NBAS: variants seen among roughly 807,000 people sequenced by gnomAD.
NBAS encodes NAG/BC035112 fusion.
NBAS carries 219 observed loss-of-function variants against 302.5 expected under a neutral mutation model. The observed-to-expected ratio is 0.72, with a 90% CI of 0.65 to 0.81. The LOEUF is 0.81. Among genes scored for constraint, NBAS ranks in the 30% least tolerant of loss-of-function variants. NBAS has a pLI of 0.00. For synonymous variants in NBAS, 1,118 were observed against 1,021.6 expected (o/e 1.09, Z -1.80); for missense variants, 2,932 against 2,841.6 (o/e 1.03, Z -0.72).
At chr2:15,058,494 G>A in the NBAS span, among the ~76,000 whole-genome samples, 1 of 152,214 alleles carries the variant, frequency 6.6e-6, no homozygotes, top group Non-Finnish European at 1.5e-5. Context: ...CCACATGATT[G>A]AGCAGGCAGC....
chr2:15,464,340 T>A (rs1287066406), intron 19 of NBAS, among the ~76,000 whole-genome samples: 2 of 152,128 alleles, frequency 1.3e-5, no homozygotes, highest in Non-Finnish European at 2.9e-5. Context: ...CACTATTAGA[T>A]GAGAAATCCC....
chr2:14,843,245 T>C, the NBAS span, among the ~76,000 whole-genome samples: 1 of 152,232 alleles, frequency 6.6e-6, no homozygotes, highest in Non-Finnish European at 1.5e-5. Context: ...GCCTTTTCTC[T>C]AAGATCCGGA....
chr2:14,827,037 A>T, the NBAS span, among the ~76,000 whole-genome samples: 1 of 152,232 alleles, frequency 6.6e-6, no homozygotes, highest in Non-Finnish European at 1.5e-5. Context: ...CTTAATTAAG[A>T]AAGGTTAATG....
the NBAS span, among the ~76,000 whole-genome samples, chr2:14,821,220 C>T: frequency 6.6e-6 from 1 of 152,080 alleles, no homozygotes; most frequent in Admixed American, 6.5e-5. Flanking sequence ...CCACCGCGCC[C>T]GGCCAACAGA....
At chr2:15,427,352 T>C (rs975038478) in intron 22 of NBAS, among the ~76,000 whole-genome samples, 1 of 151,860 alleles carries the variant, frequency 6.6e-6, no homozygotes, top group African/African-American at 2.4e-5. Flanking sequence ...CTTCCCAAAG[T>C]TAAATCTGAC....
chr2:15,414,870 G>A (rs780891290), intron 25 of NBAS, among the ~76,000 whole-genome samples: 4 of 152,214 alleles, frequency 2.6e-5, no homozygotes, highest in Admixed American at 1.3e-4. Context: ...GCTTGAGCCC[G>A]GAAGACGGAG....
At chr2:15,116,379 C>T in the NBAS span, among the ~76,000 whole-genome samples, 8 of 151,828 alleles carry the variant, frequency 5.3e-5, no homozygotes, top group Non-Finnish European at 1.0e-4. Flanking sequence ...GGCCTGCAGA[C>T]AGCCACCTTC....
chr2:15,211,461 A>T (rs929093558), intron 48 of NBAS, among the ~76,000 whole-genome samples: 2 of 152,244 alleles, frequency 1.3e-5, no homozygotes, highest in African/African-American at 4.8e-5. Flanking sequence ...AATACTTTGC[A>T]TAATTTATGC....
intron 16 of NBAS, 140 bp downstream of exon 16, chr2:15,473,082 T>C: frequency 2.1e-6 from 2 of 970,504 alleles, no homozygotes; most frequent in Non-Finnish European, 3.1e-6. Flanking sequence ...AAAGACCATT[T>C]TTCCAGCTGA....
chr2:15,392,075 G>A (rs1200498248), intron 28 of NBAS, among the ~76,000 whole-genome samples: 1 of 151,556 alleles, frequency 6.6e-6, no homozygotes, highest in African/African-American at 2.4e-5. Flanking sequence ...CAACCAGATG[G>A]AAACATAAGT....
At chr2:15,221,528 A>C (rs1321420505) in intron 47 of NBAS, among the ~76,000 whole-genome samples, 1 of 152,228 alleles carries the variant, frequency 6.6e-6, no homozygotes, top group Non-Finnish European at 1.5e-5. Flanking sequence ...AGAACTAATA[A>C]TACCATGGAA....
chr2:15,486,310 T>A (rs377462414), intron 12 of NBAS, among the ~76,000 whole-genome samples: 3 of 152,162 alleles, frequency 2.0e-5, no homozygotes, highest in African/African-American at 7.2e-5. Context: ...ACCACCCACA[T>A]CAGAAGAAAA....
chr2:15,035,960 A>G, the NBAS span, among the ~76,000 whole-genome samples: 1 of 152,008 alleles, frequency 6.6e-6, no homozygotes, highest in Non-Finnish European at 1.5e-5. Flanking sequence ...GCACACATTT[A>G]CCTATGTAAC....
At chr2:14,983,986 A>AG in the NBAS span, among the ~76,000 whole-genome samples, 3 of 152,146 alleles carry the variant, frequency 2.0e-5, no homozygotes, top group African/African-American at 4.8e-5. Context: ...GGGGCTTCCG[A>AG]GGGGGCGTGC....
chr2:15,054,581 G>A, the NBAS span, among the ~76,000 whole-genome samples: 1 of 152,178 alleles, frequency 6.6e-6, no homozygotes, highest in Admixed American at 6.5e-5. Context: ...ATAACGTTAT[G>A]GTTTATGTGC....
chr2:15,417,596 A>G lies in NBAS; in HGVS notation c.2694T>C (p.Asp898=), dbSNP rs1334265048. 1 of 1,613,888 alleles carries G rather than the reference A, an allele frequency of 6.2e-7. No homozygotes were observed. Among genetic ancestry groups the G allele is most frequent in the Non-Finnish European group, 8.5e-7 (1 of 1,179,952 alleles). The part of the protein sequence containing the change: ...LETLVYEARC[D]VTLTLKELQQ... ...GGAGTTCTTTCAGGGTTAGAGTTAC[A>G]TCACACCTGGCTTCATAAACCAATG... The change falls in exon 24 of 52, where the codon GAT becomes GAC. Residue 898 remains aspartate, a synonymous_variant. Transcript: ENST00000281513.
intron 9 of NBAS, among the ~76,000 whole-genome samples, chr2:15,530,929 A>G (rs1250471493): frequency 6.6e-6 from 1 of 152,164 alleles, no homozygotes; most frequent in African/African-American, 2.4e-5. Context: ...GAAGACGACA[A>G]AAAGCAGAGA....
intron 37 of NBAS, 99 bp downstream of exon 37, chr2:15,328,100 A>C (rs913977278): frequency 7.8e-7 from 1 of 1,287,684 alleles, no homozygotes. Flanking sequence ...GTAAGAACCA[A>C]GACAAATAAG....
intron 50 of NBAS, among the ~76,000 whole-genome samples, chr2:15,184,648 C>A (rs1195741713): frequency 6.6e-6 from 1 of 152,184 alleles, no homozygotes; most frequent in African/African-American, 2.4e-5. Context: ...GATGAAGCTT[C>A]ACTCATCGCC....
Sources: allele counts gnomAD v4.1 joint callset (sites outside exome capture counted in the v4.1 genomes callset), GRCh38; gene constraint gnomAD v4.1.1; transcripts MANE v1.5; gene names NCBI Gene and HGNC (gene_info 2026-07-23, HGNC 2026-07-21).